Variants in TRAPPC11 observed in about 807,000 individuals in gnomAD.
TRAPPC11 encodes the protein trafficking protein particle complex subunit 11, also known as foie gras homolog.
A neutral mutation model predicts 151.2 loss-of-function variants in TRAPPC11; 104 were observed. That is an observed-to-expected ratio of 0.69 (90% CI 0.59 to 0.81). The LOEUF (loss-of-function observed/expected upper bound fraction) is 0.81. Among genes scored for constraint, TRAPPC11 ranks in the 30% least tolerant of loss-of-function variants. The pLI, the probability that TRAPPC11 is intolerant of heterozygous loss-of-function variation, is 0.00. For synonymous variants in TRAPPC11, 456 were observed against 472.3 expected (o/e 0.97, Z 0.45); for missense variants, 1,230 against 1,349.6 (o/e 0.91, Z 1.39).
At chr4:183,686,563 T>G in intron 17 of TRAPPC11, 55 bp from the exon 18 acceptor site, 1 of 1,592,962 alleles carries the variant, frequency 6.3e-7, no homozygotes, top group East Asian at 2.2e-5. Flanking sequence ...ACAGGATGTG[T>G]GTGGGTCGTG....
intron 2 of TRAPPC11, among the ~76,000 whole-genome samples, chr4:183,664,351 C>G (rs942969533): frequency 2.0e-5 from 3 of 152,116 alleles, no homozygotes; most frequent in Non-Finnish European, 4.4e-5. Flanking sequence ...ATAGTCCCCT[C>G]TAAAAGGAAG....
At position 183,683,998 on chromosome 4, in the gene TRAPPC11, A is replaced by G. The variant is rs766122954; in HGVS notation, c.1231A>G (p.Lys411Glu). 3 of 1,614,092 alleles carry G rather than the reference A, an allele frequency of 1.9e-6. No individual in the cohort carries two copies. Among genetic ancestry groups the G allele is most frequent in the East Asian group, 4.5e-5 (2 of 44,846 alleles). Residue 411 changes from lysine (K) to glutamate (E), a missense_variant, in exon 12 of 30, where the codon AAA becomes GAA. Physicochemically the swap from Lys to Glu is moderately conservative, Grantham distance 56 (BLOSUM62 1). Coordinates refer to ENST00000334690, the MANE Select transcript of TRAPPC11 (RefSeq NM_021942.6). ...ILSFDLSDPEKEKVGILAIQL... is the reference protein window; with the variant it reads ...ILSFDLSDPEEEKVGILAIQL... ...AGGTTTTGATCTTTCTGATCCTGAA[A>G]AAGAAAAGGTGGGAATTCTTGCCAT... is the stretch of plus-strand genomic sequence containing the variant.
rs1244157969 is a variant in TRAPPC11 at position 183,679,402 on chromosome 4, A to G, written c.881A>G (p.Gln294Arg). The part of the protein sequence containing the change: ...QHNTPLDAIA[Q>R]FRKHIDLCKK... ...AACACCCCATTGGATGCAATTGCTCAGTTCCGAAAACACATCGACTTGTGT... is the reference window on the plus strand; with the variant it reads ...AACACCCCATTGGATGCAATTGCTCGGTTCCGAAAACACATCGACTTGTGT... Residue 294 changes from glutamine to arginine, a missense_variant, in exon 9 of 30, where the codon CAG becomes CGG. Transcript: ENST00000334690. The G allele has an allele frequency of 6.2e-7, 1 of 1,613,126 alleles. No individual in the cohort carries two copies. The highest frequency in any genetic ancestry group is 8.5e-7 in the Non-Finnish European group (1 of 1,179,564).
intron 15 of TRAPPC11, 41 bp from the exon 16 acceptor site, chr4:183,685,043 T>G: frequency 6.3e-7 from 1 of 1,581,748 alleles, no homozygotes; most frequent in Non-Finnish European, 8.6e-7. Flanking sequence ...TAGACTTAAT[T>G]ATAAGTACTT....
At chr4:183,677,211 T>C (rs996556058) in intron 7 of TRAPPC11, among the ~76,000 whole-genome samples, 3 of 152,256 alleles carry the variant, frequency 2.0e-5, no homozygotes, top group Admixed American at 6.5e-5. Context: ...GTTATCTGTT[T>C]GTTACTGACA....
intron 18 of TRAPPC11, among the ~76,000 whole-genome samples, chr4:183,690,991 G>A (rs1038231869): frequency 2.6e-5 from 4 of 152,086 alleles, no homozygotes; most frequent in African/African-American, 9.7e-5. Flanking sequence ...AAAGATTATA[G>A]CATCACAGAA....
Position 183,679,366 on chromosome 4 carries a change from G to GT in TRAPPC11, c.849dup (p.Gln284SerfsTer20). The GT allele has an allele frequency of 6.2e-7, 1 of 1,608,440 alleles. No individual in the cohort carries two copies. Among genetic ancestry groups the GT allele is most frequent in the Non-Finnish European group, 8.5e-7 (1 of 1,177,848 alleles). ...TACATTTTGCAGATCTGTAGGCTGT[G>GT]TTTTCAACACAACACCCCATTGGAT... is the stretch of plus-strand genomic sequence containing the variant. On this transcript the variant is annotated frameshift_variant, in exon 9 of 30. Coordinates refer to ENST00000334690, the MANE Select transcript of TRAPPC11 (RefSeq NM_021942.6). LOFTEE classifies it high-confidence loss of function.
intron 8 of TRAPPC11, among the ~76,000 whole-genome samples, chr4:183,678,935 T>C (rs1028859496): frequency 1.3e-5 from 2 of 152,232 alleles, no homozygotes; most frequent in African/African-American, 4.8e-5. Context: ...ACTTGTTTGA[T>C]ATGGAGGTAA....
At position 183,694,026 on chromosome 4, in the gene TRAPPC11, T is replaced by C; in HGVS notation, c.2496T>C (p.His832=). 3 of 1,613,856 alleles carry C rather than the reference T, an allele frequency of 1.9e-6. No homozygotes were observed. The highest frequency in any genetic ancestry group is 2.5e-6 in the Non-Finnish European group (3 of 1,179,758). The part of the protein sequence containing the change: ...LLTDIPVGDL[H]PGEQLEKMLY... The stretch of plus-strand genomic sequence containing the variant: ...CTGACATTCCTGTTGGAGACTTACA[T>C]CCAGGGGAACAGGTAAACTTGGTCA... The change falls in exon 22 of 30, where the codon CAT becomes CAC. Residue 832 remains histidine, a synonymous_variant. Coordinates refer to ENST00000334690, the MANE Select transcript of TRAPPC11 (RefSeq NM_021942.6).
Position 183,702,559 on chromosome 4 carries a change from T to A in TRAPPC11, c.2963+751T>A, listed in dbSNP as rs76455662. ...GCTACTGATGAGAATATGAATAAAT[T>A]GCATTTATATGCCATTGAAAAACAT... is the stretch of plus-strand genomic sequence containing the variant. On this transcript the variant is annotated intron_variant, in intron 26 of 29. Transcript: ENST00000334690. 2.4e-3 allele frequency among the ~76,000 whole-genome samples: 363 copies of A among 152,264 alleles called. 3 individuals carry two copies. The highest frequency in any genetic ancestry group is 0.021 in the East Asian group (111 of 5,186).
chr4:183,663,362 TA>T, intron 1 of TRAPPC11, among the ~76,000 whole-genome samples: 1 of 152,226 alleles, frequency 6.6e-6, no homozygotes, highest in Non-Finnish European at 1.5e-5. Flanking sequence ...GCCTCCTGAG[TA>T]GCTGGGACTA....
intron 4 of TRAPPC11, 107 bp from the exon 5 acceptor site, chr4:183,667,896 T>G: frequency 1.2e-6 from 1 of 808,964 alleles, no homozygotes; most frequent in Non-Finnish European, 2.1e-6. Context: ...AAAAGCTGTT[T>G]GGGTTTTTAT....
chr4:183,659,839 G>C (rs1173224921), intron 1 of TRAPPC11, among the ~76,000 whole-genome samples: 2 of 152,020 alleles, frequency 1.3e-5, no homozygotes, highest in African/African-American at 2.4e-5. Flanking sequence ...GAACATCTCT[G>C]AATCCCATTC....
At chr4:183,662,675 T>C (rs908444479) in intron 1 of TRAPPC11, among the ~76,000 whole-genome samples, 12 of 152,170 alleles carry the variant, frequency 7.9e-5, no homozygotes, top group South Asian at 2.1e-4. Flanking sequence ...ATATCCTAGG[T>C]ATTCAGAAAT....
chr4:183,680,025 A>G (rs1029957460), intron 9 of TRAPPC11, 95 bp from the exon 10 acceptor site: 19 of 1,003,564 alleles, frequency 1.9e-5, no homozygotes, highest in Non-Finnish European at 2.8e-5. Context: ...ATTTTAACAC[A>G]GTCTGCTGAG....
rs115312979 is a variant in TRAPPC11 at position 183,684,957 on chromosome 4, G to A, written c.1567+116G>A. ...AGATAATTAGTATACTTTACTATGT[G>A]CAAATCACTGTGCTTAGTCATCTTA... On this transcript the variant is annotated intron_variant, in intron 15 of 29. Coordinates refer to ENST00000334690, the MANE Select transcript of TRAPPC11 (RefSeq NM_021942.6). 12,207 of 1,287,450 alleles carry A rather than the reference G, an allele frequency of 9.5e-3. 93 individuals carry two copies. The highest frequency in any genetic ancestry group is 0.015 in the Middle Eastern group (59 of 3,886). The allele number at this position is 1,287,450 out of a possible 1,614,324, so 79.8% of individuals were successfully genotyped here.
At chr4:183,689,036 T>C (rs964662813) in intron 18 of TRAPPC11, among the ~76,000 whole-genome samples, 3 of 152,170 alleles carry the variant, frequency 2.0e-5, no homozygotes, top group African/African-American at 7.2e-5. Flanking sequence ...CCATCATGCC[T>C]GGCCCAGTTT....
At position 183,713,536 on chromosome 4, in the gene TRAPPC11, G is replaced by A. The variant is rs1737423704; in HGVS notation, c.*892G>A. 1 of 152,582 alleles carries A rather than the reference G, an allele frequency of 6.6e-6. No individual in the cohort carries two copies. Among genetic ancestry groups the A allele is most frequent in the African/African-American group, 2.4e-5 (1 of 41,440 alleles). The allele number at this position is 152,582 out of a possible 1,614,324, so 9.5% of individuals were successfully genotyped here. On this transcript the variant is annotated 3_prime_UTR_variant, in exon 30 of 30. Coordinates refer to ENST00000334690, the MANE Select transcript of TRAPPC11 (RefSeq NM_021942.6). ...CCTGGAAAATTTTATTATTCAAAAG[G>A]TGGAGGCATTGTAAAAAGGAAATAG...
intron 1 of TRAPPC11, among the ~76,000 whole-genome samples, chr4:183,663,609 T>G (rs536024835): frequency 2.0e-5 from 3 of 152,286 alleles, no homozygotes; most frequent in South Asian, 4.1e-4. Context: ...CCTCCAGTGA[T>G]CCACCTGCTT....
Sources: allele counts gnomAD v4.1 joint callset (sites outside exome capture counted in the v4.1 genomes callset), GRCh38; gene constraint gnomAD v4.1.1; transcripts MANE v1.5; gene names NCBI Gene and HGNC (gene_info 2026-07-23, HGNC 2026-07-21).